Variants in CAPS2 observed in about 807,000 individuals in gnomAD.
CAPS2 encodes calcyphosine 2.
A neutral mutation model predicts 86.5 loss-of-function variants in CAPS2; 98 were observed. The ratio of observed to expected loss-of-function variants is 1.13; its 90% CI spans 0.96 to 1.34. CAPS2 has a LOEUF of 1.34. CAPS2 is among the 40% of genes most tolerant of loss of function. The pLI is 0.00. For synonymous variants in CAPS2, 210 were observed against 225.1 expected, an observed-to-expected ratio of 0.93 and a Z score of 0.60; for missense variants, 729 against 686.8, an observed-to-expected ratio of 1.06 and a Z score of -0.69.
At position 75,291,832 on chromosome 12, in the gene CAPS2, A is replaced by G. The variant is rs375363191; in HGVS notation, c.1164-12T>C. 1 of 1,417,044 alleles carries G rather than the reference A, an allele frequency of 7.1e-7. No homozygotes were observed. The highest frequency in any genetic ancestry group is 9.8e-7 in the Non-Finnish European group (1 of 1,022,004). The allele number at this position is 1,417,044 out of a possible 1,614,324, so 87.8% of individuals were successfully genotyped here. On this transcript the variant is annotated splice_polypyrimidine_tract_variant and intron_variant, in intron 12 of 16. Coordinates refer to ENST00000393284, the Ensembl canonical transcript of CAPS2. ...CCATAGAAGCAGTTCTGCAATTGAC[A>G]TGTTCACAGGGATGAAATATATATA...
intron 11 of CAPS2, among the ~76,000 whole-genome samples, chr12:75,294,848 T>G (rs777155213): frequency 4.0e-5 from 6 of 151,834 alleles, no homozygotes; most frequent in Admixed American, 6.6e-5. Flanking sequence ...TACAAGAGAA[T>G]AGCAAAACAA....
chr12:75,356,439 A>G (rs2139511499), intron 1 of CAPS2, among the ~76,000 whole-genome samples: 1 of 152,326 alleles, frequency 6.6e-6, no homozygotes, highest in African/African-American at 2.4e-5. Flanking sequence ...AACCACCTTG[A>G]AGTTCTTCTA....
At chr12:75,297,281 C>T (rs571571736) in intron 11 of CAPS2, among the ~76,000 whole-genome samples, 15 of 152,116 alleles carry the variant, frequency 9.9e-5, no homozygotes, top group Non-Finnish European at 1.9e-4. Flanking sequence ...AAATGGGAGT[C>T]GAGCTGATTT....
At chr12:75,387,638 A>T (rs1354857191) in intron 1 of CAPS2, among the ~76,000 whole-genome samples, 1 of 152,216 alleles carries the variant, frequency 6.6e-6, no homozygotes, top group Non-Finnish European at 1.5e-5. Flanking sequence ...TTCAAAGTCA[A>T]GGGGCCATAT....
At chr12:75,316,156 T>A in intron 6 of CAPS2, 156 bp downstream of exon 6, 9 of 943,976 alleles carry the variant, frequency 9.5e-6, no homozygotes, top group Non-Finnish European at 1.4e-5. Flanking sequence ...TACAATTCAA[T>A]CATTTATAAA....
intron 1 of CAPS2, among the ~76,000 whole-genome samples, chr12:75,354,260 T>G (rs2139479931): frequency 6.6e-6 from 1 of 152,084 alleles, no homozygotes; most frequent in Admixed American, 6.6e-5. Context: ...AACCCCATTA[T>G]CTCAACCCAA....
chr12:75,323,726 A>G (rs553816290), intron 2 of CAPS2, among the ~76,000 whole-genome samples: 10 of 152,340 alleles, frequency 6.6e-5, no homozygotes, highest in Non-Finnish European at 1.5e-4. Context: ...CTGGGCAACA[A>G]GAGTGAAACT....
chr12:75,342,228 A>G (rs1371424749), intron 1 of CAPS2, among the ~76,000 whole-genome samples: 2 of 152,200 alleles, frequency 1.3e-5, no homozygotes, highest in Non-Finnish European at 2.9e-5. Flanking sequence ...TTCAATTTAT[A>G]CATGTGATAA....
At chr12:75,277,344 T>C in exon 17 of CAPS2, 2 of 970,722 alleles carry the variant, frequency 2.1e-6, no homozygotes, top group Non-Finnish European at 2.4e-6. Context: ...ACTATATGCA[T>C]ATTGAGCACC....
At chr12:75,334,841 T>A (rs1314105341), upstream of CAPS2, 1 of 1,614,002 alleles carries the variant, frequency 6.2e-7, no homozygotes. Context: ...GACAACTGCA[T>A]AGAAGCCCAC....
intron 7 of CAPS2, chr12:75,305,776 G>T: frequency 2.8e-6 from 2 of 722,150 alleles, no homozygotes; most frequent in South Asian, 2.7e-5. Context: ...TTCCAGACAT[G>T]GTGAAGGATG....
chr12:75,306,750 A>G (rs889025045), intron 7 of CAPS2, among the ~76,000 whole-genome samples: 15 of 152,112 alleles, frequency 9.9e-5, no homozygotes, highest in African/African-American at 3.4e-4. Flanking sequence ...TGGCCTAACC[A>G]AGAGAAAAGT....
In CAPS2 at chr12:75,367,026, T is replaced by C. The variant is rs1022516940; in HGVS notation, c.-395+23812A>G. On this transcript the variant is annotated intron_variant, in intron 1 of 5. Coordinates refer to the CAPS2 transcript ENST00000551829. ...CAGAGCTGAGGAGGTAAGTCTCTCA[T>C]TTATCTCTAAAAATGACAGTTTAAG... 5.7e-6 allele frequency: 4 copies of C among 701,078 alleles called. No homozygotes were observed. The Admixed American group carries it at 6.0e-5, about 11-fold the overall frequency. The allele number at this position is 701,078 out of a possible 1,614,324, so 43.4% of individuals were successfully genotyped here.
exon 8 of CAPS2, chr12:75,304,799 A>G: frequency 6.2e-7 from 1 of 1,608,658 alleles, no homozygotes; most frequent in Non-Finnish European, 8.5e-7. Flanking sequence ...AAGAGGTGTC[A>G]TCTTTGAATC....
chr12:75,346,135 C>T lies in CAPS2; in HGVS notation c.-394-22913G>A, dbSNP rs958141379. The stretch of plus-strand genomic sequence containing the variant: ...CCTACATAGTGAATATTTATTCTCA[C>T]GATTCCAAAAGCCCCAAAAAGTCAC... On this transcript the variant is annotated intron_variant, in intron 1 of 5. Transcript: ENST00000551829. 3.9e-5 allele frequency among the ~76,000 whole-genome samples: 6 copies of T among 152,038 alleles called. No homozygotes were observed. In the South Asian group the frequency reaches 6.2e-4, roughly 16 times the overall value.
At chr12:75,330,205 C>T (rs1593589904), upstream of CAPS2, 2 of 236,830 alleles carry the variant, frequency 8.4e-6, no homozygotes, top group Non-Finnish European at 1.6e-5. Flanking sequence ...CGCTGCCTGG[C>T]TGACCGGAAC....
At chr12:75,372,589 C>T (rs1000173902) in intron 1 of CAPS2, among the ~76,000 whole-genome samples, 3 of 152,128 alleles carry the variant, frequency 2.0e-5, no homozygotes, top group Non-Finnish European at 2.9e-5. Flanking sequence ...CACTTCCACC[C>T]TTTGATGCCT....
rs11829763 is a variant in CAPS2, at chr12:75,322,911, G to T, written c.291+63C>A. The stretch of plus-strand genomic sequence containing the variant: ...AAATATTTAAACTTGGCAAAACATA[G>T]ACTGAACATAATAAATATTTTAGAA... On this transcript the variant is annotated intron_variant, in intron 4 of 16. Coordinates refer to ENST00000393284, the Ensembl canonical transcript of CAPS2. 70 of 920,628 alleles carry T rather than the reference G, an allele frequency of 7.6e-5. No individual in the cohort carries two copies. In the African/African-American group the frequency reaches 9.8e-4, roughly 13 times the overall value. 57.0% of individuals were successfully genotyped at this position (920,628 alleles called of 1,614,324 possible).
intron 2 of CAPS2, among the ~76,000 whole-genome samples, chr12:75,323,611 C>T (rs2040505293): frequency 6.6e-6 from 1 of 152,116 alleles, no homozygotes; most frequent in Non-Finnish European, 1.5e-5. Context: ...GGCGTGGTGA[C>T]ACATGCCTGT....
Sources: gnomAD v4.1 joint callset for allele counts (sites outside exome capture counted in the v4.1 genomes callset) on GRCh38, gnomAD v4.1.1 for gene constraint, MANE v1.5 for transcripts, NCBI Gene and HGNC (gene_info 2026-07-23, HGNC 2026-07-21) for gene names.